P2RX5: variants seen among roughly 807,000 people sequenced by gnomAD.
The protein encoded by P2RX5 is P2X purinoceptor 5.
P2RX5 carries 46 observed loss-of-function variants against 54.1 expected under a neutral mutation model. That is an observed-to-expected ratio of 0.85 (90% CI 0.67 to 1.09). The LOEUF (loss-of-function observed/expected upper bound fraction) is 1.09. P2RX5 is among the 50% of genes least tolerant of loss of function. The pLI is 0.00. For synonymous variants in P2RX5, 226 were observed against 226.4 expected (o/e 1.00, Z 0.02); for missense variants, 566 against 549.8 (o/e 1.03, Z -0.29).
upstream of P2RX5, among the ~76,000 whole-genome samples, chr17:3,698,057 C>T (rs184343): frequency 1.3e-5 from 2 of 151,132 alleles, no homozygotes; most frequent in Non-Finnish European, 1.5e-5. Flanking sequence ...TTTTTTTTTT[C>T]AACAGGGAGG....
In P2RX5 at chr17:3,673,980, G is replaced by C. The variant is rs2050040415; in HGVS notation, c.1260-103C>G. 2.9e-6 allele frequency: 3 copies of C among 1,041,484 alleles called. No individual in the cohort carries two copies. The South Asian group carries it at 4.1e-5, about 14-fold the overall frequency. The allele number at this position is 1,041,484 out of a possible 1,614,324, so 64.5% of individuals were successfully genotyped here. A position where few individuals can be genotyped will look rare whatever the true frequency, so the allele number is the denominator to read the frequency against. On this transcript the variant is annotated intron_variant, in intron 11 of 11. Transcript: ENST00000225328. ...AGAAGGGCCTTCCCAAGTCTGAAAAGAGCTACAGTTCATGCTTCACTTCTC... is the reference window on the plus strand; with the variant it reads ...AGAAGGGCCTTCCCAAGTCTGAAAACAGCTACAGTTCATGCTTCACTTCTC...
chr17:3,694,109 A>G (rs1355857212), intron 1 of P2RX5, among the ~76,000 whole-genome samples: 1 of 151,920 alleles, frequency 6.6e-6, no homozygotes, highest in Non-Finnish European at 1.5e-5. Context: ...TGATGAATGC[A>G]TGACCACAAT....
At chr17:3,685,020 A>T (rs2142998893) in intron 9 of P2RX5, among the ~76,000 whole-genome samples, 1 of 151,936 alleles carries the variant, frequency 6.6e-6, no homozygotes, top group East Asian at 1.9e-4. Flanking sequence ...TAATTTTTGT[A>T]TTTTTAGTAG....
At chr17:3,723,736 C>A in the P2RX5 span, 2 of 1,607,006 alleles carry the variant, frequency 1.2e-6, no homozygotes, top group South Asian at 1.1e-5. Context: ...AGGTGCACAC[C>A]GTGGAGGCCT....
the P2RX5 span, among the ~76,000 whole-genome samples, chr17:3,712,504 G>A: frequency 1.3e-5 from 2 of 152,116 alleles, no homozygotes; most frequent in African/African-American, 4.8e-5. Context: ...CCAGGTACAC[G>A]GTTTACTTCT....
At chr17:3,722,370 A>G in the P2RX5 span, 22,570 of 149,878 alleles carry the variant, frequency 0.15, 2,003 homozygotes, top group Non-Finnish European at 0.21. Context: ...AATCCCAGCT[A>G]CTCGGGAGGC....
the P2RX5 span, among the ~76,000 whole-genome samples, chr17:3,707,797 G>A: frequency 3.3e-5 from 5 of 152,018 alleles, no homozygotes; most frequent in African/African-American, 9.7e-5. Context: ...GGTGGCTCAC[G>A]CCTGTAATCC....
chr17:3,692,046 G>T, intron 1 of P2RX5: 1 of 535,558 alleles, frequency 1.9e-6, no homozygotes, highest in Non-Finnish European at 3.4e-6. Flanking sequence ...GACCAGCCGG[G>T]CGCAGTGGCT....
chr17:3,704,671 A>C, the P2RX5 span, among the ~76,000 whole-genome samples: 1 of 152,190 alleles, frequency 6.6e-6, no homozygotes, highest in African/African-American at 2.4e-5. Context: ...AAACACTTGA[A>C]AGAGTAAAGA....
rs1342394961 is a variant in P2RX5, at chr17:3,674,323, T to TA, written c.1260-447dup. 6.2e-3 allele frequency among the ~76,000 whole-genome samples: 703 copies of TA among 114,206 alleles called. 2 individuals carry two copies. The highest frequency in any genetic ancestry group is 0.015 in the African/African-American group (426 of 28,602). The allele number at this position is 114,206 out of a possible 152,430, so 74.9% of individuals were successfully genotyped here. ...AAAGCGAGACTCCGTCTCAAAAAAT[T>TA]AAAAAAAAAAAATACAAAAAAAAAA... is the stretch of plus-strand genomic sequence containing the variant. On this transcript the variant is annotated intron_variant, in intron 11 of 11. Transcript: ENST00000225328.
chr17:3,684,802 G>A (rs2050389177), intron 9 of P2RX5, among the ~76,000 whole-genome samples: 1 of 149,136 alleles, frequency 6.7e-6, no homozygotes, highest in Admixed American at 6.7e-5. Context: ...CAGCACCCAG[G>A]CTAAGAAACT....
upstream of P2RX5, among the ~76,000 whole-genome samples, chr17:3,697,931 C>T (rs2050788933): frequency 1.3e-5 from 2 of 152,236 alleles, no homozygotes; most frequent in African/African-American, 4.8e-5. Flanking sequence ...ATGCTAAGAC[C>T]AGAAGCTCCC....
chr17:3,715,005 G>A, the P2RX5 span: 19 of 919,948 alleles, frequency 2.1e-5, no homozygotes, highest in Non-Finnish European at 2.8e-5. Flanking sequence ...TCAGAAAACC[G>A]GCATTCTGGC....
chr17:3,721,254 T>C, the P2RX5 span, among the ~76,000 whole-genome samples: 1 of 140,368 alleles, frequency 7.1e-6, no homozygotes, highest in Non-Finnish European at 1.5e-5. Context: ...ACGTAAGAGA[T>C]TTTTCCTTTT....
the P2RX5 span, chr17:3,720,720 T>C: frequency 4.9e-6 from 1 of 202,848 alleles, no homozygotes; most frequent in African/African-American, 2.4e-5. Flanking sequence ...GTAGCTGGAA[T>C]TATGGGCATG....
At chr17:3,685,454 TCCCTGCCAGTGCGGCCG>T (rs1351208408) in intron 9 of P2RX5, 1 of 154,120 alleles carries the variant, frequency 6.5e-6, no homozygotes, top group East Asian at 1.8e-4. Context: ...AGCCTCCCCC[TCCCTGCCAGTGCGGCCG>T]CCGGGGAGAG....
the P2RX5 span, chr17:3,722,479 T>TA: frequency 3.8e-3 from 409 of 106,800 alleles, 5 homozygotes; most frequent in South Asian, 0.015. Flanking sequence ...AGACTCCATC[T>TA]AAAAAAAAAA....
the P2RX5 span, among the ~76,000 whole-genome samples, chr17:3,704,706 T>TA: frequency 6.6e-6 from 1 of 152,034 alleles, no homozygotes. Context: ...CACTGGGCAC[T>TA]AAAAAGGATA....
the P2RX5 span, among the ~76,000 whole-genome samples, chr17:3,711,779 C>CT: frequency 3.3e-5 from 5 of 152,208 alleles, no homozygotes; most frequent in Admixed American, 2.6e-4. Flanking sequence ...ACTGCAAACT[C>CT]TGCCTTCTGG....
Sources: allele counts gnomAD v4.1 joint callset (sites outside exome capture counted in the v4.1 genomes callset), GRCh38; gene constraint gnomAD v4.1.1; transcripts MANE v1.5; gene names NCBI Gene and HGNC (gene_info 2026-07-23, HGNC 2026-07-21).